Variants in CADM2 observed in about 807,000 individuals in gnomAD.
The protein encoded by CADM2 is cell adhesion molecule 2.
Under a neutral mutation model 49.8 loss-of-function variants are expected in CADM2, and 12 were observed. That is an observed-to-expected ratio of 0.24 (90% CI 0.15 to 0.39). The LOEUF (loss-of-function observed/expected upper bound fraction) is 0.39, where lower values mean the gene tolerates loss of function less well. CADM2 is among the 10% of genes least tolerant of loss of function. The pLI, the probability that CADM2 is intolerant of heterozygous loss-of-function variation, is 1.00. For missense variants in CADM2, 378 were observed against 492.3 expected, an observed-to-expected ratio of 0.77 and a Z score of 2.20; for synonymous variants, 214 against 175.4, an observed-to-expected ratio of 1.22 and a Z score of -1.74.
chr3:86,052,147 G>T (rs1460813856), intron 8 of CADM2, among the ~76,000 whole-genome samples: 1 of 152,110 alleles, frequency 6.6e-6, no homozygotes, highest in Non-Finnish European at 1.5e-5. Context: ...TTAGAAGAAT[G>T]ATTATAACTA....
chr3:85,861,393 G>A (rs939633163), intron 3 of CADM2, among the ~76,000 whole-genome samples: 1 of 152,170 alleles, frequency 6.6e-6, no homozygotes, highest in African/African-American at 2.4e-5. Context: ...AGTTAAGAAT[G>A]ACTTTCTGGT....
intron 1 of CADM2, among the ~76,000 whole-genome samples, chr3:85,292,505 C>A (rs2043829816): frequency 6.6e-6 from 1 of 151,636 alleles, no homozygotes; most frequent in Non-Finnish European, 1.5e-5. Flanking sequence ...AGCACCACAC[C>A]ACACCTATTC....
At chr3:85,809,963 C>T (rs955421335) in intron 3 of CADM2, among the ~76,000 whole-genome samples, 4 of 151,782 alleles carry the variant, frequency 2.6e-5, no homozygotes, top group Non-Finnish European at 4.4e-5. Flanking sequence ...CATATTGAAT[C>T]GTGTTCCCCT....
At chr3:85,229,779 A>G (rs1030894337) in intron 1 of CADM2, among the ~76,000 whole-genome samples, 4 of 152,178 alleles carry the variant, frequency 2.6e-5, no homozygotes, top group African/African-American at 4.8e-5. Context: ...CCTCAGGTGT[A>G]CAAGTGTGAA....
At chr3:85,798,130 G>C (rs1314301688) in intron 2 of CADM2, among the ~76,000 whole-genome samples, 1 of 149,852 alleles carries the variant, frequency 6.7e-6, no homozygotes, top group Non-Finnish European at 1.5e-5. Context: ...TGTTTGTTTT[G>C]TAAATTTGTT....
At chr3:85,797,287 GGCATA>G in intron 2 of CADM2, among the ~76,000 whole-genome samples, 1 of 151,796 alleles carries the variant, frequency 6.6e-6, no homozygotes, top group African/African-American at 2.4e-5. Flanking sequence ...TTCAAGTTCT[GGCATA>G]CACGTGCAGA....
chr3:85,431,411 C>G, intron 1 of CADM2, among the ~76,000 whole-genome samples: 1 of 152,166 alleles, frequency 6.6e-6, no homozygotes, highest in East Asian at 1.9e-4. Context: ...GTTACAGAAA[C>G]TAAATCTCCT....
chr3:85,522,042 G>A (rs902333991), intron 1 of CADM2, among the ~76,000 whole-genome samples: 1 of 152,116 alleles, frequency 6.6e-6, no homozygotes, highest in Non-Finnish European at 1.5e-5. Flanking sequence ...TAATGTCAAA[G>A]ACAGTATTTA....
intron 1 of CADM2, among the ~76,000 whole-genome samples, chr3:84,986,239 G>C (rs549475201): frequency 5.9e-5 from 9 of 152,140 alleles, no homozygotes; most frequent in South Asian, 2.1e-4. Flanking sequence ...ATTTGTTCAG[G>C]CATTTGTGAC....
At chr3:85,707,608 A>G (rs995226704) in intron 1 of CADM2, among the ~76,000 whole-genome samples, 2 of 152,134 alleles carry the variant, frequency 1.3e-5, no homozygotes, top group African/African-American at 2.4e-5. Context: ...TTGAGATTAT[A>G]TGGATGAATT....
intron 1 of CADM2, among the ~76,000 whole-genome samples, chr3:85,412,534 G>GTTTTT (rs11360883): frequency 6.9e-6 from 1 of 145,526 alleles, no homozygotes; most frequent in Admixed American, 6.9e-5. Context: ...TATGTAATTC[G>GTTTTT]TTTTTTTTTT....
At chr3:85,793,581 C>T (rs2071459361) in intron 2 of CADM2, among the ~76,000 whole-genome samples, 2 of 152,060 alleles carry the variant, frequency 1.3e-5, no homozygotes. Context: ...TAAAATACAC[C>T]CTCTGTGGTC....
intron 8 of CADM2, among the ~76,000 whole-genome samples, chr3:85,961,997 C>T (rs1300473627): frequency 6.6e-6 from 1 of 151,754 alleles, no homozygotes; most frequent in Non-Finnish European, 1.5e-5. Context: ...AGTGCAGTGG[C>T]ATGATCTCAG....
intron 1 of CADM2, among the ~76,000 whole-genome samples, chr3:85,216,364 A>G (rs1016164787): frequency 6.8e-6 from 1 of 147,544 alleles, no homozygotes; most frequent in African/African-American, 2.5e-5. Context: ...TAATAGTAAT[A>G]TATTTAATAT....
chr3:85,680,810 C>A (rs2066020067), intron 1 of CADM2, among the ~76,000 whole-genome samples: 1 of 152,062 alleles, frequency 6.6e-6, no homozygotes, highest in Non-Finnish European at 1.5e-5. Flanking sequence ...TTTAAGGCTG[C>A]AAAAATGGTA....
intron 1 of CADM2, among the ~76,000 whole-genome samples, chr3:85,317,792 A>G (rs574508945): frequency 6.6e-6 from 1 of 152,362 alleles, no homozygotes; most frequent in Non-Finnish European, 1.5e-5. Context: ...TCCGGGGTAC[A>G]TATTCATGCT....
At chr3:85,223,145 C>G (rs150628585) in intron 1 of CADM2, among the ~76,000 whole-genome samples, 1 of 152,170 alleles carries the variant, frequency 6.6e-6, no homozygotes, top group East Asian at 1.9e-4. Context: ...AATTTAAAAA[C>G]TTTATTTACT....
chr3:85,636,530 T>TA (rs1189028478), intron 1 of CADM2, among the ~76,000 whole-genome samples: 1 of 152,042 alleles, frequency 6.6e-6, no homozygotes, highest in Non-Finnish European at 1.5e-5. Context: ...ATAGAAAATT[T>TA]AAAAAATAAA....
At chr3:85,181,387 G>A (rs938033104) in intron 1 of CADM2, among the ~76,000 whole-genome samples, 1 of 152,084 alleles carries the variant, frequency 6.6e-6, no homozygotes, top group Non-Finnish European at 1.5e-5. Context: ...AAGTTGAGAA[G>A]AGGATGTTGT....
Sources: allele counts gnomAD v4.1 joint callset (sites outside exome capture counted in the v4.1 genomes callset), GRCh38; gene constraint gnomAD v4.1.1; transcripts MANE v1.5; gene names NCBI Gene and HGNC (gene_info 2026-07-23, HGNC 2026-07-21).